Variants in ENOX1 observed in about 807,000 individuals in gnomAD.
ENOX1 encodes ecto-NOX disulfide-thiol exchanger 1.
In ENOX1, 42 loss-of-function variants were observed where a neutral mutation model predicts 82.5. The ratio of observed to expected loss-of-function variants is 0.51; its 90% CI spans 0.40 to 0.66. ENOX1 has a LOEUF of 0.66. Ranked by LOEUF, ENOX1 falls within the 30% of genes least tolerant of loss-of-function variation. The probability of loss-of-function intolerance (pLI) is 0.00; values close to 1 mark genes in which losing one functional copy is unlikely to be tolerated. For synonymous variants in ENOX1, 271 were observed against 282.2 expected (o/e 0.96, Z 0.40); for missense variants, 608 against 811.6 (o/e 0.75, Z 3.05).
intron 1 of ENOX1, among the ~76,000 whole-genome samples, chr13:43,776,930 C>A (rs1408598654): frequency 6.6e-6 from 1 of 152,092 alleles, no homozygotes; most frequent in Non-Finnish European, 1.5e-5. Context: ...GAGAAAGCAG[C>A]CTGCAGGGGT....
intron 2 of ENOX1, among the ~76,000 whole-genome samples, chr13:43,616,130 C>G (rs1261586589): frequency 2.2e-5 from 1 of 45,688 alleles, no homozygotes; most frequent in African/African-American, 8.7e-5. Context: ...CTATAGATAT[C>G]TATCTATCTA....
chr13:43,587,162 T>C (rs947117001), intron 2 of ENOX1, among the ~76,000 whole-genome samples: 2 of 152,066 alleles, frequency 1.3e-5, no homozygotes, highest in African/African-American at 2.4e-5. Flanking sequence ...TTTTAAAAGA[T>C]AGATTTAGGG....
chr13:43,487,364 T>C (rs184912059), intron 2 of ENOX1, among the ~76,000 whole-genome samples: 1 of 152,162 alleles, frequency 6.6e-6, no homozygotes, highest in East Asian at 1.9e-4. Context: ...CAGAGAGACA[T>C]GATTAGGCAT....
intron 4 of ENOX1, among the ~76,000 whole-genome samples, chr13:43,412,303 T>C (rs2054183554): frequency 6.6e-6 from 1 of 152,178 alleles, no homozygotes; most frequent in African/African-American, 2.4e-5. Flanking sequence ...GAGGTACCCC[T>C]GGAAAAAAAT....
chr13:43,274,041 AAAAC>A (rs1015984364), intron 12 of ENOX1, among the ~76,000 whole-genome samples: 10 of 152,214 alleles, frequency 6.6e-5, no homozygotes, highest in African/African-American at 2.2e-4. Context: ...AACAAAAACA[AAAAC>A]AACCCCCCAA....
chr13:43,276,543 A>G (rs892691352), intron 12 of ENOX1, among the ~76,000 whole-genome samples: 1 of 152,064 alleles, frequency 6.6e-6, no homozygotes, highest in Admixed American at 6.5e-5. Flanking sequence ...TGCTCCATCA[A>G]GTTTTGGTTC....
rs1287658713 is a variant in ENOX1, at chr13:43,323,944, C to G, written c.1144-1443G>C. ...GTCAACTCTGTACCCTGGGAATCAC[C>G]CTTGCAGAAGACAGGGAAGGGAGAA... On this transcript the variant is annotated intron_variant, in intron 10 of 16. Coordinates refer to ENST00000690772, the MANE Select transcript of ENOX1 (RefSeq NM_001347969.2). 2.0e-5 allele frequency among the ~76,000 whole-genome samples: 3 copies of G among 152,258 alleles called. No individual in the cohort carries two copies. In the East Asian group the frequency reaches 5.8e-4, roughly 29 times the overall value.
At chr13:43,540,767 A>C (rs1167306065) in intron 2 of ENOX1, among the ~76,000 whole-genome samples, 1 of 152,212 alleles carries the variant, frequency 6.6e-6, no homozygotes, top group African/African-American at 2.4e-5. Flanking sequence ...GCCAAAACTA[A>C]TTAGAGGAGG....
At chr13:43,454,663 T>C (rs1173759642) in intron 3 of ENOX1, among the ~76,000 whole-genome samples, 2 of 152,140 alleles carry the variant, frequency 1.3e-5, no homozygotes, top group Non-Finnish European at 2.9e-5. Context: ...CAGTTTACCT[T>C]ACTATGACCA....
chr13:43,518,449 C>A (rs1364084293), intron 2 of ENOX1, among the ~76,000 whole-genome samples: 10 of 151,968 alleles, frequency 6.6e-5, no homozygotes, highest in Admixed American at 5.3e-4. Context: ...TGCCCCCCAG[C>A]AGTTTGCATC....
chr13:43,311,858 G>C (rs552694506), intron 11 of ENOX1, among the ~76,000 whole-genome samples: 1 of 152,150 alleles, frequency 6.6e-6, no homozygotes, highest in Non-Finnish European at 1.5e-5. Flanking sequence ...AAGACAATTC[G>C]TGGAGGCAAA....
At chr13:43,570,744 C>T (rs2080141435) in intron 2 of ENOX1, among the ~76,000 whole-genome samples, 1 of 151,998 alleles carries the variant, frequency 6.6e-6, no homozygotes, top group Admixed American at 6.6e-5. Context: ...AAGCAAGAAG[C>T]CCTCAGTGGC....
chr13:43,447,311 C>T (rs146257689), intron 3 of ENOX1, among the ~76,000 whole-genome samples: 57 of 152,212 alleles, frequency 3.7e-4, no homozygotes, highest in Middle Eastern at 3.4e-3. Context: ...AAAAGTATGT[C>T]GATGTCACTT....
chr13:43,758,199 G>C (rs1950758395), intron 1 of ENOX1, among the ~76,000 whole-genome samples: 1 of 151,878 alleles, frequency 6.6e-6, no homozygotes, highest in Non-Finnish European at 1.5e-5. Flanking sequence ...TCACATCACT[G>C]CACTCCAGCC....
intron 9 of ENOX1, among the ~76,000 whole-genome samples, chr13:43,338,879 GT>G (rs2048888764): frequency 6.6e-6 from 1 of 151,918 alleles, no homozygotes; most frequent in Non-Finnish European, 1.5e-5. Flanking sequence ...TAGAGACGGG[GT>G]TTCACCGTGT....
chr13:43,629,461 C>T (rs973912864), intron 2 of ENOX1, among the ~76,000 whole-genome samples: 1 of 152,160 alleles, frequency 6.6e-6, no homozygotes, highest in Non-Finnish European at 1.5e-5. Flanking sequence ...GGTCTCATGT[C>T]CTTAACCAGT....
In ENOX1 at chr13:43,514,901, C is replaced by G. The variant is rs200699068; in HGVS notation, c.-218-30749G>C. Among the ~76,000 whole-genome samples the G allele has an allele frequency of 5.3e-5, 8 of 152,112 alleles. No individual in the cohort carries two copies. In the South Asian group the frequency reaches 8.3e-4, roughly 16 times the overall value. On this transcript the variant is annotated intron_variant, in intron 2 of 16. Coordinates refer to ENST00000690772, the MANE Select transcript of ENOX1 (RefSeq NM_001347969.2). ...AGGTCCAGCTCCAACTGTAGCCCCC[C>G]CTTCCTAAAATAACCTTGTCACCAG...
At chr13:43,317,093 A>AC (rs765505503) in intron 11 of ENOX1, among the ~76,000 whole-genome samples, 4 of 152,028 alleles carry the variant, frequency 2.6e-5, no homozygotes, top group Non-Finnish European at 5.9e-5. Flanking sequence ...CAACACAGAC[A>AC]CCCCTGCCCT....
chr13:43,293,375 C>A (rs2046114019), intron 12 of ENOX1, among the ~76,000 whole-genome samples: 1 of 152,024 alleles, frequency 6.6e-6, no homozygotes, highest in African/African-American at 2.4e-5. Context: ...TTCTCCACCA[C>A]AGCTACCTTC....
Sources: gnomAD v4.1 joint callset for allele counts (sites outside exome capture counted in the v4.1 genomes callset) on GRCh38, gnomAD v4.1.1 for gene constraint, MANE v1.5 for transcripts, NCBI Gene and HGNC (gene_info 2026-07-23, HGNC 2026-07-21) for gene names.